MTR: variants seen among roughly 807,000 people sequenced by gnomAD.
The protein encoded by MTR is methionine synthase.
MTR carries 84 observed loss-of-function variants against 154.8 expected under a neutral mutation model. The ratio of observed to expected loss-of-function variants is 0.54; its 90% CI spans 0.45 to 0.65. The LOEUF (loss-of-function observed/expected upper bound fraction) is 0.65, where lower values mean the gene tolerates loss of function less well. Among genes scored for constraint, MTR ranks in the 30% least tolerant of loss-of-function variants. The pLI is 0.00. For synonymous variants in MTR, 554 were observed against 553.9 expected, an observed-to-expected ratio of 1.00 and a Z score of 0.00; for missense variants, 1,275 against 1,570.2, an observed-to-expected ratio of 0.81 and a Z score of 3.18.
At chr1:236,822,293 G>A (rs1572213358) in intron 8 of MTR, among the ~76,000 whole-genome samples, 1 of 142,824 alleles carries the variant, frequency 7.0e-6, no homozygotes, top group Admixed American at 7.1e-5. Flanking sequence ...AGTGTAAATG[G>A]TTTTGTGGGG....
chr1:236,863,619 T>C, intron 22 of MTR, 65 bp downstream of exon 22: 5 of 1,385,150 alleles, frequency 3.6e-6, no homozygotes, highest in Non-Finnish European at 5.1e-6. Context: ...TTTAACAGAA[T>C]AATTCTTCAA....
At chr1:236,838,722 A>C in intron 15 of MTR, 123 bp downstream of exon 15, 2 of 985,874 alleles carry the variant, frequency 2.0e-6, no homozygotes, top group Non-Finnish European at 3.1e-6. Flanking sequence ...TTCCATATAC[A>C]TTCATGTACA....
chr1:236,886,152 G>C, intron 26 of MTR, 140 bp from the exon 27 acceptor site: 1 of 732,852 alleles, frequency 1.4e-6, no homozygotes. Context: ...AAAAGGAAGA[G>C]CTTTTTAGAA....
chr1:236,795,710 C>A lies in MTR; in HGVS notation c.7C>A (p.Pro3Thr). The change falls in exon 1 of 33, where the codon CCC (proline) becomes ACC (threonine). Residue 3 changes from proline to threonine, a missense_variant. Physicochemically the swap from Pro to Thr is conservative, Grantham distance 38. Coordinates refer to ENST00000366577, the MANE Select transcript of MTR (RefSeq NM_000254.3). MS[P>T]ALQDLSQPEG... is the part of the protein sequence containing the mutation. ...AAGGAGGAGACTCGACAACATGTCA[C>A]CCGCGCTCCAAGACCTGTCGCAACC... 6.2e-7 allele frequency: 1 copy of A among 1,614,178 alleles called. No homozygotes were observed. The highest frequency in any genetic ancestry group is 1.1e-5 in the South Asian group (1 of 91,086).
chr1:236,843,057 G>A (rs1663354042), intron 15 of MTR, among the ~76,000 whole-genome samples: 1 of 146,978 alleles, frequency 6.8e-6, no homozygotes, highest in Non-Finnish European at 1.5e-5. Context: ...CTGCACTCCA[G>A]CCTGAGTGAC....
At chr1:236,896,397 ATCTGGG>A (rs1234355236) in intron 31 of MTR, among the ~76,000 whole-genome samples, 6 of 152,204 alleles carry the variant, frequency 3.9e-5, no homozygotes, top group Admixed American at 1.3e-4. Flanking sequence ...GAGTCATGAG[ATCTGGG>A]TTTGAGTCCT....
intron 13 of MTR, among the ~76,000 whole-genome samples, chr1:236,834,463 A>G (rs980341545): frequency 6.6e-6 from 1 of 152,214 alleles, no homozygotes; most frequent in Non-Finnish European, 1.5e-5. Context: ...TACAGGCATG[A>G]GCCACCACAC....
chr1:236,890,868 G>A (rs1266357726), intron 28 of MTR, among the ~76,000 whole-genome samples: 1 of 152,100 alleles, frequency 6.6e-6, no homozygotes, highest in Non-Finnish European at 1.5e-5. Context: ...CACAGCTTTG[G>A]CTCTCTGCTT....
chr1:236,818,935 G>A (rs541410609), intron 8 of MTR, among the ~76,000 whole-genome samples: 49 of 152,308 alleles, frequency 3.2e-4, no homozygotes, highest in African/African-American at 1.2e-3. Context: ...GAGTAATGGA[G>A]TTCTTGTAGA....
chr1:236,868,413 A>T (rs1363539708), intron 22 of MTR, among the ~76,000 whole-genome samples: 2 of 152,246 alleles, frequency 1.3e-5, no homozygotes, highest in African/African-American at 4.8e-5. Context: ...CAAAAAATTC[A>T]CATGACTCAC....
At position 236,871,105 on chromosome 1, in the gene MTR, C is replaced by T. The variant is rs1371339213; in HGVS notation, c.2406-2668C>T. Among the ~76,000 whole-genome samples, 14 of 152,296 alleles carry T rather than the reference C, an allele frequency of 9.2e-5. No individual in the cohort carries two copies. The East Asian group carries it at 2.7e-3, about 29-fold the overall frequency. ...CAGACCCTCCAGTGATTTCTCTCTTCGCTCAGTAAAACTCAGAGCCCTTGT... is the reference window on the plus strand; with the variant it reads ...CAGACCCTCCAGTGATTTCTCTCTTTGCTCAGTAAAACTCAGAGCCCTTGT... On this transcript the variant is annotated intron_variant, in intron 22 of 32. Coordinates refer to ENST00000366577, the MANE Select transcript of MTR (RefSeq NM_000254.3).
chr1:236,897,524 G>A (rs1666732020), intron 32 of MTR, 34 bp from the exon 33 acceptor site: 3 of 1,583,254 alleles, frequency 1.9e-6, no homozygotes, highest in South Asian at 1.1e-5. Context: ...GTCTTATCAT[G>A]TTGGTTTAAT....
At chr1:236,839,495 G>GA (rs1232510369) in intron 15 of MTR, among the ~76,000 whole-genome samples, 1 of 152,042 alleles carries the variant, frequency 6.6e-6, no homozygotes, top group Non-Finnish European at 1.5e-5. Context: ...TCAAATAGAA[G>GA]AAAAAATTAG....
intron 17 of MTR, 40 bp from the exon 18 acceptor site, chr1:236,852,908 T>A (rs375942772): frequency 9.9e-6 from 16 of 1,612,100 alleles, no homozygotes; most frequent in Non-Finnish European, 1.2e-5. Flanking sequence ...TGACTTAAGG[T>A]ATCACTGTAA....
chr1:236,823,552 A>T (rs1662096782), intron 8 of MTR, among the ~76,000 whole-genome samples: 1 of 152,154 alleles, frequency 6.6e-6, no homozygotes, highest in African/African-American at 2.4e-5. Context: ...AAAAAGTAAA[A>T]TGTGATAACA....
At chr1:236,859,672 A>G (rs895247005) in intron 18 of MTR, among the ~76,000 whole-genome samples, 161 bp from the exon 19 acceptor site, 1 of 152,176 alleles carries the variant, frequency 6.6e-6, no homozygotes, top group Non-Finnish European at 1.5e-5. Flanking sequence ...CTTCCCTCAA[A>G]CATTCATTGA....
chr1:236,808,037 T>A (rs968959917), intron 3 of MTR, among the ~76,000 whole-genome samples: 1 of 152,186 alleles, frequency 6.6e-6, no homozygotes, highest in Non-Finnish European at 1.5e-5. Flanking sequence ...TCAAGACACA[T>A]AGGATCTTAG....
intron 22 of MTR, among the ~76,000 whole-genome samples, chr1:236,864,807 T>C (rs1274415865): frequency 6.6e-6 from 1 of 152,230 alleles, no homozygotes; most frequent in Admixed American, 6.5e-5. Context: ...ATAGATCATC[T>C]TCTACTTACC....
rs1245310390 is a variant in MTR at position 236,898,805 on chromosome 1, T to C, written c.*1161T>C. 1 of 152,148 alleles carries C rather than the reference T, an allele frequency of 6.6e-6. No individual in the cohort carries two copies. The highest frequency in any genetic ancestry group is 1.9e-4 in the East Asian group (1 of 5,186). The allele number at this position is 152,148 out of a possible 1,614,324, so 9.4% of individuals were successfully genotyped here. ...AGTTGGACAAGTGGGCAGCATAAAG[T>C]CACTCATTTCTTACCATTTTATTCC... On this transcript the variant is annotated 3_prime_UTR_variant, in exon 33 of 33. Coordinates refer to ENST00000366577, the MANE Select transcript of MTR (RefSeq NM_000254.3).
Sources: allele counts gnomAD v4.1 joint callset (sites outside exome capture counted in the v4.1 genomes callset), GRCh38; gene constraint gnomAD v4.1.1; transcripts MANE v1.5; gene names NCBI Gene and HGNC (gene_info 2026-07-23, HGNC 2026-07-21).